Variants in ACYP2 observed in about 807,000 individuals in gnomAD.
The protein encoded by ACYP2 is acylphosphatase 2, also known as acylphosphatase-2.
ACYP2 carries 12 observed loss-of-function variants against 11.2 expected under a neutral mutation model. The observed-to-expected ratio is 1.08, with a 90% CI of 0.69 to 1.74. The LOEUF is 1.74. Ranked by LOEUF, ACYP2 falls within the 40% of genes most tolerant of loss-of-function variation. The pLI is 0.00. For synonymous variants in ACYP2, 43 were observed against 32.2 expected, an observed-to-expected ratio of 1.33 and a Z score of -1.13; for missense variants, 134 against 101.9, an observed-to-expected ratio of 1.31 and a Z score of -1.35.
chr2:54,077,217 C>G (rs1178033384), intron 4 of ACYP2, among the ~76,000 whole-genome samples: 1 of 152,296 alleles, frequency 6.6e-6, no homozygotes, highest in Non-Finnish European at 1.5e-5. Flanking sequence ...AAGTCCTAGA[C>G]TCATCTAAGC....
At chr2:54,258,026 T>C (rs1326687746) in intron 6 of ACYP2, among the ~76,000 whole-genome samples, 4 of 152,242 alleles carry the variant, frequency 2.6e-5, no homozygotes, top group Admixed American at 2.6e-4. Flanking sequence ...AACAAATGTT[T>C]ATTGGGTACC....
At chr2:54,007,467 A>G (rs1673137016) in intron 2 of ACYP2, among the ~76,000 whole-genome samples, 1 of 152,046 alleles carries the variant, frequency 6.6e-6, no homozygotes, top group African/African-American at 2.4e-5. Flanking sequence ...GTTGGCCAGG[A>G]TGGTCTTGAT....
chr2:54,182,869 AG>A (rs1438228670), intron 6 of ACYP2, among the ~76,000 whole-genome samples: 1 of 152,180 alleles, frequency 6.6e-6, no homozygotes, highest in Non-Finnish European at 1.5e-5. Flanking sequence ...AAAACTTACC[AG>A]GGAGACCTGG....
chr2:54,292,517 A>C (rs7603499), intron 6 of ACYP2, among the ~76,000 whole-genome samples: 1 of 152,264 alleles, frequency 6.6e-6, no homozygotes, highest in South Asian at 2.1e-4. Flanking sequence ...AACTATTTTT[A>C]CTTCTTAAAA....
At chr2:54,112,174 G>C (rs950124563) in intron 4 of ACYP2, among the ~76,000 whole-genome samples, 7 of 152,038 alleles carry the variant, frequency 4.6e-5, no homozygotes, top group Middle Eastern at 3.2e-3. Flanking sequence ...CCCTTTCTAT[G>C]TATTACCTTA....
At chr2:54,037,762 G>A (rs942339102) in intron 2 of ACYP2, among the ~76,000 whole-genome samples, 3 of 152,050 alleles carry the variant, frequency 2.0e-5, no homozygotes, top group Non-Finnish European at 2.9e-5. Context: ...TAGTAAAATC[G>A]AAATCAGAGT....
chr2:54,188,369 AG>A (rs1684100512), intron 6 of ACYP2, among the ~76,000 whole-genome samples: 1 of 152,186 alleles, frequency 6.6e-6, no homozygotes, highest in Non-Finnish European at 1.5e-5. Context: ...TCCATATCTC[AG>A]TTCGTATAAC....
At chr2:54,196,748 T>C (rs920410671) in intron 6 of ACYP2, among the ~76,000 whole-genome samples, 1 of 129,858 alleles carries the variant, frequency 7.7e-6, no homozygotes, top group African/African-American at 3.4e-5. Flanking sequence ...TGTCTCCATA[T>C]ATTGGTCACA....
intron 6 of ACYP2, among the ~76,000 whole-genome samples, chr2:54,179,876 C>A (rs1434234386): frequency 6.6e-6 from 1 of 152,148 alleles, no homozygotes; most frequent in Non-Finnish European, 1.5e-5. Flanking sequence ...AGCTCCTATT[C>A]AAGATGGAAT....
chr2:54,261,840 TTC>T (rs1687793742), intron 6 of ACYP2, among the ~76,000 whole-genome samples: 1 of 152,226 alleles, frequency 6.6e-6, no homozygotes, highest in Non-Finnish European at 1.5e-5. Flanking sequence ...TGCTAATTTC[TTC>T]TGTTTCCCAT....
chr2:54,013,995 T>TA (rs1673542795), intron 2 of ACYP2, among the ~76,000 whole-genome samples: 1 of 151,878 alleles, frequency 6.6e-6, no homozygotes, highest in South Asian at 2.1e-4. Context: ...CCTTCTCCAC[T>TA]AAAAATACAA....
At chr2:54,065,621 A>C (rs1245165269) in intron 4 of ACYP2, 1 of 397,746 alleles carries the variant, frequency 2.5e-6, no homozygotes, top group East Asian at 3.6e-5. Flanking sequence ...GTAAGTGGAA[A>C]GCCATTTTAG....
In ACYP2 at chr2:54,095,477, C is replaced by G. The variant is rs1253731720; in HGVS notation, c.277+38117C>G. ...TAGGGGCGGCCGGGCAGAGGCGCCC[C>G]TCACCTCCCGGACGGGGCGGCTGGC... On this transcript the variant is annotated intron_variant, in intron 4 of 6. Coordinates refer to ENST00000607452, the MANE Select transcript of ACYP2 (RefSeq NM_001320586.2). Among the ~76,000 whole-genome samples, 3 of 151,698 alleles carry G rather than the reference C, an allele frequency of 2.0e-5. No homozygotes were observed. The East Asian group carries it at 5.9e-4, about 30-fold the overall frequency.
chr2:54,017,873 A>AT (rs957365707), intron 2 of ACYP2, among the ~76,000 whole-genome samples: 4 of 151,160 alleles, frequency 2.6e-5, no homozygotes, highest in South Asian at 2.1e-4. Context: ...GTATTTAAAA[A>AT]TTTTTTTTTC....
intron 6 of ACYP2, among the ~76,000 whole-genome samples, chr2:54,292,897 T>C (rs1228755538): frequency 6.6e-6 from 1 of 152,200 alleles, no homozygotes; most frequent in East Asian, 1.9e-4. Flanking sequence ...CTAGATTTGT[T>C]ATTCCAGTTC....
chr2:54,254,675 G>C (rs1687403006), intron 6 of ACYP2: 1 of 508,086 alleles, frequency 2.0e-6, no homozygotes, highest in Non-Finnish European at 3.5e-6. Flanking sequence ...TCGCTTAGAA[G>C]GATGTGACCC....
intron 6 of ACYP2, among the ~76,000 whole-genome samples, chr2:54,174,458 T>A (rs1490161962): frequency 6.6e-6 from 1 of 152,196 alleles, no homozygotes. Flanking sequence ...TATATAATCA[T>A]GTCATCTGCA....
chr2:54,049,356 C>T (rs1675707673), intron 2 of ACYP2, among the ~76,000 whole-genome samples: 1 of 152,182 alleles, frequency 6.6e-6, no homozygotes, highest in Admixed American at 6.5e-5. Context: ...TCCTCAGACA[C>T]TTGCCCCTGT....
intron 4 of ACYP2, among the ~76,000 whole-genome samples, chr2:54,132,253 A>C (rs941229349): frequency 6.6e-6 from 1 of 152,010 alleles, no homozygotes; most frequent in Non-Finnish European, 1.5e-5. Context: ...GGTTGACCTG[A>C]AGTTTCTGGA....
Sources: gnomAD v4.1 joint callset for allele counts (sites outside exome capture counted in the v4.1 genomes callset) on GRCh38, gnomAD v4.1.1 for gene constraint, MANE v1.5 for transcripts, NCBI Gene and HGNC (gene_info 2026-07-23, HGNC 2026-07-21) for gene names.